PTPRT: variants seen among roughly 807,000 people sequenced by gnomAD.
PTPRT encodes the protein protein tyrosine phosphatase receptor type T.
PTPRT carries 56 observed loss-of-function variants against 176.8 expected under a neutral mutation model. The ratio of observed to expected loss-of-function variants is 0.32; its 90% CI spans 0.26 to 0.40. The LOEUF (loss-of-function observed/expected upper bound fraction) is 0.40, where lower values mean the gene tolerates loss of function less well. Among genes scored for constraint, PTPRT ranks in the 10% least tolerant of loss-of-function variants. The pLI is 1.00. For synonymous variants in PTPRT, 783 were observed against 739.0 expected (o/e 1.06, Z -0.96); for missense variants, 1,540 against 1,908.2 (o/e 0.81, Z 3.60).
chr20:42,099,831 T>C (rs960949683), intron 26 of PTPRT, among the ~76,000 whole-genome samples: 28 of 152,032 alleles, frequency 1.8e-4, no homozygotes, highest in African/African-American at 6.8e-4. Flanking sequence ...GGGGCCCTTC[T>C]TCCGAGGGCC....
intron 1 of PTPRT, among the ~76,000 whole-genome samples, chr20:43,089,396 T>C (rs961864440): frequency 2.6e-5 from 4 of 152,210 alleles, no homozygotes; most frequent in Non-Finnish European, 5.9e-5. Context: ...CAATGAGGCA[T>C]TGCTAATATA....
In PTPRT at chr20:42,115,316, C is replaced by T. The variant is rs2146312586; in HGVS notation, c.2983-1G>A. 1 of 1,611,322 alleles carries T rather than the reference C, an allele frequency of 6.2e-7. No homozygotes were observed. The highest frequency in any genetic ancestry group is 1.3e-5 in the African/African-American group (1 of 74,978). ...CTGGCCAGTATCGCACACATTTCAC[C>T]TGTGGCCAAGTGAGAGACAGAGACA... On this transcript the variant is annotated splice_acceptor_variant, in intron 21 of 30. Transcript: ENST00000373187. LOFTEE classifies it high-confidence loss of function.
chr20:42,793,306 A>C (rs1442211150), intron 2 of PTPRT, among the ~76,000 whole-genome samples: 1 of 152,196 alleles, frequency 6.6e-6, no homozygotes, highest in Non-Finnish European at 1.5e-5. Flanking sequence ...GTATCCATTA[A>C]GTAATTTCTC....
Position 42,102,279 on chromosome 20 carries a change from G to A in PTPRT, c.3559C>T (p.Pro1187Ser), listed in dbSNP as rs1478583387. ...DEFQTLNIVT[P>S]RVRPEDCSIG... ...CTGCAGTCCTCGGGCCGCACACGGG[G>A]TGTCACAATGTTGAGGGTCTGTGGG... is the stretch of plus-strand genomic sequence containing the variant. The change falls in exon 26 of 31, where the codon CCC becomes TCC. Residue 1187 changes from proline to serine, a missense_variant. This residue lies in a region of PTPRT where 342 missense variants were observed against 394.0 expected (regional missense o/e 0.87). Transcript: ENST00000373187. 1.9e-6 allele frequency: 3 copies of A among 1,614,088 alleles called. No homozygotes were observed. Among genetic ancestry groups the A allele is most frequent in the Admixed American group, 1.7e-5 (1 of 60,032 alleles).
intron 7 of PTPRT, among the ~76,000 whole-genome samples, chr20:42,658,629 A>T (rs566910887): frequency 4.6e-5 from 7 of 152,306 alleles, no homozygotes; most frequent in Non-Finnish European, 8.8e-5. Flanking sequence ...CTGGGAGAGA[A>T]CCAAGAGTAC....
chr20:43,059,114 G>A (rs145597849), intron 1 of PTPRT, among the ~76,000 whole-genome samples: 8 of 152,334 alleles, frequency 5.3e-5, no homozygotes, highest in South Asian at 2.1e-4. Flanking sequence ...GACGATCTCA[G>A]AATCAACTTT....
At chr20:42,430,773 G>C (rs552043341) in intron 9 of PTPRT, among the ~76,000 whole-genome samples, 1 of 152,282 alleles carries the variant, frequency 6.6e-6, no homozygotes, top group East Asian at 1.9e-4. Context: ...GAGTGCAAAT[G>C]GATCTGCCAA....
rs2071452112 is a variant in PTPRT at position 42,485,573 on chromosome 20, C to T, written c.1154-13011G>A. ...TAATATCTCCTAATTGGACTCTGAT[C>T]GCCTCCCTTCTAGAAGTACTACCTT... is the stretch of plus-strand genomic sequence containing the variant. On this transcript the variant is annotated intron_variant, in intron 7 of 30. Transcript: ENST00000373187. Among the ~76,000 whole-genome samples the T allele has an allele frequency of 2.0e-5, 3 of 152,280 alleles. No homozygotes were observed. In the South Asian group the frequency reaches 6.2e-4, roughly 32 times the overall value.
chr20:42,613,496 T>A (rs919090640), intron 7 of PTPRT, among the ~76,000 whole-genome samples: 1 of 152,230 alleles, frequency 6.6e-6, no homozygotes, highest in Admixed American at 6.5e-5. Context: ...TGAGAATATA[T>A]AAGATCTCTG....
chr20:42,222,751 T>C (rs574247408), intron 15 of PTPRT, among the ~76,000 whole-genome samples: 62 of 152,342 alleles, frequency 4.1e-4, no homozygotes, highest in Admixed American at 7.8e-4. Flanking sequence ...TTATTTGTAA[T>C]ATGCTTTATA....
intron 9 of PTPRT, among the ~76,000 whole-genome samples, chr20:42,384,907 G>C (rs540052854): frequency 3.3e-5 from 5 of 152,258 alleles, no homozygotes; most frequent in South Asian, 4.1e-4. Context: ...GTTGATTCAA[G>C]TTCTTTGCCC....
At chr20:42,754,098 C>T (rs1381614732) in intron 6 of PTPRT, among the ~76,000 whole-genome samples, 1 of 152,164 alleles carries the variant, frequency 6.6e-6, no homozygotes, top group Non-Finnish European at 1.5e-5. Flanking sequence ...TCCAGCAGGA[C>T]ATCTGAAAAT....
intron 9 of PTPRT, among the ~76,000 whole-genome samples, chr20:42,389,479 T>C (rs2058778708): frequency 6.6e-6 from 1 of 152,024 alleles, no homozygotes; most frequent in Non-Finnish European, 1.5e-5. Context: ...CTTGCAGCAG[T>C]GTTGGGAGGT....
chr20:42,555,767 T>A (rs996205618), intron 7 of PTPRT, among the ~76,000 whole-genome samples: 1 of 152,250 alleles, frequency 6.6e-6, no homozygotes, highest in Admixed American at 6.5e-5. Flanking sequence ...TAGCTCAATC[T>A]CTTATGTCTA....
chr20:42,490,451 A>T (rs2071542964), intron 7 of PTPRT, among the ~76,000 whole-genome samples: 1 of 152,122 alleles, frequency 6.6e-6, no homozygotes, highest in Admixed American at 6.6e-5. Context: ...AGACTACTTA[A>T]ATCCTAAATA....
intron 13 of PTPRT, among the ~76,000 whole-genome samples, chr20:42,261,658 C>T (rs1222585745): frequency 1.3e-5 from 2 of 152,160 alleles, no homozygotes; most frequent in East Asian, 1.9e-4. Flanking sequence ...CTGAGCAGAA[C>T]ACAAGGCTTC....
At chr20:42,678,382 C>T (rs1181685063) in intron 6 of PTPRT, among the ~76,000 whole-genome samples, 1 of 152,142 alleles carries the variant, frequency 6.6e-6, no homozygotes, top group East Asian at 1.9e-4. Flanking sequence ...CTCACTGCAA[C>T]CTCTGCCTCC....
chr20:42,689,717 G>A (rs1212245409), intron 6 of PTPRT, among the ~76,000 whole-genome samples: 1 of 152,200 alleles, frequency 6.6e-6, no homozygotes, highest in African/African-American at 2.4e-5. Context: ...TCCTGGATAA[G>A]TGAAGAAGGG....
At chr20:42,864,176 C>A (rs1158056799) in intron 2 of PTPRT, among the ~76,000 whole-genome samples, 1 of 152,208 alleles carries the variant, frequency 6.6e-6, no homozygotes. Context: ...TCTGGCCACT[C>A]CAGGGCCTTC....
Sources: allele counts gnomAD v4.1 joint callset (sites outside exome capture counted in the v4.1 genomes callset), GRCh38; gene constraint gnomAD v4.1.1; regional missense constraint gnomAD v4.1.1; transcripts MANE v1.5; gene names NCBI Gene and HGNC (gene_info 2026-07-23, HGNC 2026-07-21).